SMC5: variants seen among roughly 807,000 people sequenced by gnomAD.
SMC5 encodes the protein structural maintenance of chromosomes 5.
In SMC5, 88 loss-of-function variants were observed where a neutral mutation model predicts 148.3. The ratio of observed to expected loss-of-function variants is 0.59; its 90% CI spans 0.50 to 0.71. The LOEUF (loss-of-function observed/expected upper bound fraction) is 0.71. Among genes scored for constraint, SMC5 ranks in the 30% least tolerant of loss-of-function variants. SMC5 has a pLI of 0.00. For synonymous variants in SMC5, 421 were observed against 432.8 expected (o/e 0.97, Z 0.34); for missense variants, 1,142 against 1,298.9 (o/e 0.88, Z 1.86).
chr9:70,282,041 T>G (rs74879419), intron 6 of SMC5, among the ~76,000 whole-genome samples: 1,786 of 141,996 alleles, frequency 0.013, 25 homozygotes, highest in African/African-American at 0.043. Context: ...TTCATTTTGT[T>G]TTTTTTTTTT....
chr9:70,342,181 T>C (rs1156937618), intron 17 of SMC5, among the ~76,000 whole-genome samples: 6 of 144,834 alleles, frequency 4.1e-5, no homozygotes, highest in Non-Finnish European at 7.5e-5. Flanking sequence ...TAGGTAGGAA[T>C]TGAACAATGA....
chr9:70,290,694 A>T (rs928966227), intron 8 of SMC5, among the ~76,000 whole-genome samples: 1 of 152,080 alleles, frequency 6.6e-6, no homozygotes, highest in Non-Finnish European at 1.5e-5. Flanking sequence ...CTTTTAGTTC[A>T]TTGAACATAT....
At chr9:70,283,368 G>A (rs1346364360) in intron 7 of SMC5, among the ~76,000 whole-genome samples, 2 of 152,218 alleles carry the variant, frequency 1.3e-5, no homozygotes, top group Non-Finnish European at 2.9e-5. Context: ...TCATGAGGCT[G>A]AGGCAGGAGG....
chr9:70,292,842 CAAAT>C (rs1371325257), intron 8 of SMC5, among the ~76,000 whole-genome samples: 2 of 152,208 alleles, frequency 1.3e-5, no homozygotes, highest in East Asian at 3.9e-4. Flanking sequence ...TTGCATCCGT[CAAAT>C]AAACCCCACT....
intron 1 of SMC5, among the ~76,000 whole-genome samples, 194 bp from the exon 2 acceptor site, chr9:70,264,110 G>A (rs193216840): frequency 6.6e-6 from 1 of 151,754 alleles, no homozygotes; most frequent in Non-Finnish European, 1.5e-5. Context: ...ATATTCTTTA[G>A]TTATGCATTA....
intron 5 of SMC5, among the ~76,000 whole-genome samples, chr9:70,278,894 C>A (rs1389584076): frequency 6.6e-6 from 1 of 152,118 alleles, no homozygotes; most frequent in East Asian, 1.9e-4. Flanking sequence ...AAAAAATTAT[C>A]TCAGGAAGTT....
rs748717368 is a variant in SMC5 at position 70,277,379 on chromosome 9, C to G, written c.450C>G (p.Phe150Leu). The G allele has an allele frequency of 8.7e-6, 14 of 1,604,402 alleles. No homozygotes were observed. The East Asian group carries it at 2.5e-4, about 29-fold the overall frequency. ...IDVAKNQSFW[F>L]INKKSTTQKI... ...TGGCAAAAAATCAGTCCTTTTGGTT[C>G]ATCAACAAAAAATCTACAACCCAGA... The change falls in exon 4 of 25, where the codon TTC (phenylalanine) becomes TTG (leucine). Residue 150 changes from phenylalanine (F) to leucine (L), a missense_variant. Around this residue, in one of 5 missense-constraint regions of SMC5, gnomAD observed 297 missense variants for 302.6 expected, o/e 0.98. Coordinates refer to ENST00000361138, the MANE Select transcript of SMC5 (RefSeq NM_015110.4).
intron 1 of SMC5, among the ~76,000 whole-genome samples, chr9:70,262,768 C>T (rs1279698200): frequency 6.6e-6 from 1 of 152,048 alleles, no homozygotes; most frequent in Admixed American, 6.6e-5. Context: ...TGAGATACCT[C>T]GTGAAGTATA....
At position 70,346,809 on chromosome 9, in the gene SMC5, C is replaced by T. The variant is rs370453472; in HGVS notation, c.2568+160C>T. Among the ~76,000 whole-genome samples the T allele has an allele frequency of 3.9e-5, 6 of 152,154 alleles. 1 individual carries two copies. The East Asian group carries it at 9.6e-4, about 24-fold the overall frequency. On this transcript the variant is annotated intron_variant, in intron 19 of 24. Transcript: ENST00000361138. Reference sequence around the variant, plus strand: ...TACTTCTTTTCTCTAAATTCCTAGCCTATATGATATGTACTGCTTGTTTTA... The same window carrying T: ...TACTTCTTTTCTCTAAATTCCTAGCTTATATGATATGTACTGCTTGTTTTA...
At position 70,315,489 on chromosome 9, in the gene SMC5, C is replaced by G; in HGVS notation, c.1717C>G (p.Pro573Ala). ...TTATTTGAGAGAATTATTTGATGCACCTGATCCTGTAATGAGTTACCTTTG... is the reference window on the plus strand; with the variant it reads ...TTATTTGAGAGAATTATTTGATGCAGCTGATCCTGTAATGAGTTACCTTTG... ...FSYLRELFDAPDPVMSYLCCQ... is the reference protein window; with the variant it reads ...FSYLRELFDAADPVMSYLCCQ... The change falls in exon 13 of 25, where the codon CCT becomes GCT. Residue 573 changes from proline (P) to alanine (A), a missense_variant. Pro to Ala is a conservative substitution (Grantham distance 27). Transcript: ENST00000361138. The G allele has an allele frequency of 1.3e-6, 2 of 1,597,742 alleles. No homozygotes were observed. The highest frequency in any genetic ancestry group is 1.1e-5 in the South Asian group (1 of 88,928).
chr9:70,295,729 G>A (rs749642666), intron 8 of SMC5, among the ~76,000 whole-genome samples: 3 of 152,076 alleles, frequency 2.0e-5, no homozygotes, highest in Non-Finnish European at 2.9e-5. Flanking sequence ...CAGTTTTTCA[G>A]GTCAATATCA....
At chr9:70,282,305 T>A in intron 6 of SMC5, 117 bp from the exon 7 acceptor site, 1 of 1,056,654 alleles carries the variant, frequency 9.5e-7, no homozygotes, top group Non-Finnish European at 1.3e-6. Context: ...TTAATAAACC[T>A]GTTTTGATAT....
At chr9:70,324,749 A>G (rs888731116) in intron 17 of SMC5, among the ~76,000 whole-genome samples, 17 of 152,302 alleles carry the variant, frequency 1.1e-4, no homozygotes, top group African/African-American at 3.6e-4. Context: ...AAGAGTTCCT[A>G]TGACCCCCAC....
At chr9:70,277,948 T>G in intron 4 of SMC5, among the ~76,000 whole-genome samples, 1 of 152,198 alleles carries the variant, frequency 6.6e-6, no homozygotes, top group Middle Eastern at 3.4e-3. Context: ...TCATATTACC[T>G]ATTAAATTTG....
At position 70,259,244 on chromosome 9, in the gene SMC5, A is replaced by C; in HGVS notation, c.166A>C (p.Ile56Leu). The C allele has an allele frequency of 6.3e-7, 1 of 1,592,030 alleles. No individual in the cohort carries two copies. Among genetic ancestry groups the C allele is most frequent in the Non-Finnish European group, 8.6e-7 (1 of 1,168,558 alleles). ...GPFVEGSIVR[I>L]SMENFLTYDI... is the part of the protein sequence containing the mutation. Reference sequence around the variant, plus strand: ...TTTCGTGGAAGGCTCTATCGTCCGCATCTCGATGGAGAACTTCCTGTAAGT... The same window carrying C: ...TTTCGTGGAAGGCTCTATCGTCCGCCTCTCGATGGAGAACTTCCTGTAAGT... Residue 56 changes from isoleucine (I) to leucine (L), a missense_variant, in exon 1 of 25, where the codon ATC becomes CTC. Ile to Leu is a conservative substitution (Grantham distance 5, BLOSUM62 2). Transcript: ENST00000361138.
chr9:70,323,311 CAATATT>C (rs2035994564), intron 15 of SMC5, among the ~76,000 whole-genome samples, 166 bp from the exon 16 acceptor site: 1 of 152,154 alleles, frequency 6.6e-6, no homozygotes, highest in African/African-American at 2.4e-5. Flanking sequence ...GTTTTATAAA[CAATATT>C]AATAGCAACA....
At chr9:70,321,411 G>C (rs1011124702) in intron 15 of SMC5, among the ~76,000 whole-genome samples, 1 of 64,352 alleles carries the variant, frequency 1.6e-5, no homozygotes, top group Non-Finnish European at 3.4e-5. Context: ...TTTTTTTTTT[G>C]AGACGGGGTC....
chr9:70,262,045 T>C (rs1384134184), intron 1 of SMC5, among the ~76,000 whole-genome samples: 1 of 152,162 alleles, frequency 6.6e-6, no homozygotes, highest in Non-Finnish European at 1.5e-5. Flanking sequence ...ATGCTGTTTA[T>C]TTTAATGAGG....
intron 11 of SMC5, among the ~76,000 whole-genome samples, chr9:70,306,137 G>A (rs961431671): frequency 8.6e-5 from 13 of 151,844 alleles, no homozygotes; most frequent in Admixed American, 1.3e-4. Flanking sequence ...ATATATATAC[G>A]GTTAGCTATA....
Sources: gnomAD v4.1 joint callset for allele counts (sites outside exome capture counted in the v4.1 genomes callset) on GRCh38, gnomAD v4.1.1 for gene constraint, gnomAD v4.1.1 regional missense constraint, MANE v1.5 for transcripts, NCBI Gene and HGNC (gene_info 2026-07-23, HGNC 2026-07-21) for gene names.